The following TCF7L1 variants were observed in gnomAD, a reference collection of about 807,000 sequenced individuals.
The protein encoded by TCF7L1 is transcription factor 7-like 1.
TCF7L1 carries 18 observed loss-of-function variants against 63.7 expected under a neutral mutation model. That is an observed-to-expected ratio of 0.28 (90% CI 0.20 to 0.42). The LOEUF (loss-of-function observed/expected upper bound fraction) is 0.42, where lower values mean the gene tolerates loss of function less well. TCF7L1 is among the 10% of genes least tolerant of loss of function. TCF7L1 has a pLI of 1.00. For synonymous variants in TCF7L1, 355 were observed against 340.9 expected, an observed-to-expected ratio of 1.04 and a Z score of -0.46; for missense variants, 654 against 779.3, an observed-to-expected ratio of 0.84 and a Z score of 1.91.
At chr2:85,268,471 C>CCT (rs1681062954) in intron 3 of TCF7L1, among the ~76,000 whole-genome samples, 1 of 134,812 alleles carries the variant, frequency 7.4e-6, no homozygotes, top group African/African-American at 2.7e-5. Flanking sequence ...GATTGGATGC[C>CCT]TTTTTTTTTT....
intron 3 of TCF7L1, among the ~76,000 whole-genome samples, chr2:85,193,494 AGGCAAC>A (rs1280675270): frequency 1.3e-5 from 2 of 152,160 alleles, no homozygotes; most frequent in African/African-American, 4.8e-5. Flanking sequence ...AGACCAGCCT[AGGCAAC>A]AAAGCGAGAC....
chr2:85,273,683 A>T (rs1681206839), intron 3 of TCF7L1, among the ~76,000 whole-genome samples: 1 of 152,176 alleles, frequency 6.6e-6, no homozygotes, highest in African/African-American at 2.4e-5. Context: ...TACATGGGCG[A>T]CACGGTGAGT....
At chr2:85,154,286 A>G (rs1174353086) in intron 3 of TCF7L1, among the ~76,000 whole-genome samples, 1 of 152,216 alleles carries the variant, frequency 6.6e-6, no homozygotes, top group Non-Finnish European at 1.5e-5. Flanking sequence ...ATAGTTTTCC[A>G]GTTATATGAA....
At chr2:85,269,714 A>G (rs1268849724) in intron 3 of TCF7L1, among the ~76,000 whole-genome samples, 1 of 152,228 alleles carries the variant, frequency 6.6e-6, no homozygotes, top group Non-Finnish European at 1.5e-5. Flanking sequence ...GTTTAATAGT[A>G]TTGAGATGGG....
Position 85,133,723 on chromosome 2 carries a change from C to T in TCF7L1, c.39C>T (p.Gly13=). ...QLGGGGGGGG[G]GSGGGGGSSA... ...GCGGCGGGGGCGGCGGCGGCGGCGG[C>T]GGCAGCGGGGGAGGCGGCGGCTCCA... Residue 13 remains glycine (G), a synonymous_variant, in exon 1 of 12, where the codon GGC becomes GGT. Coordinates refer to ENST00000282111, the MANE Select transcript of TCF7L1 (RefSeq NM_031283.3). The surrounding 1 kb of genome is among the most constrained non-coding windows in gnomAD (Gnocchi z 4.4). The T allele has an allele frequency of 2.6e-6, 3 of 1,175,386 alleles. No homozygotes were observed. The highest frequency in any genetic ancestry group is 2.1e-6 in the Non-Finnish European group (2 of 952,472). 72.8% of individuals were successfully genotyped at this position (1,175,386 alleles called of 1,614,324 possible).
At chr2:85,251,866 G>A (rs913804313) in intron 3 of TCF7L1, among the ~76,000 whole-genome samples, 1 of 152,134 alleles carries the variant, frequency 6.6e-6, no homozygotes, top group Non-Finnish European at 1.5e-5. Context: ...TGAGTCTCAG[G>A]AGTCTGAGAC....
rs572827111 is a variant in TCF7L1, at chr2:85,155,497, G to A, written c.441+21047G>A. ...AGTCAGCGAGACCATGAACCCACTG[G>A]AAGGAACCAATTCTGGACACAGTGG... On this transcript the variant is annotated intron_variant, in intron 3 of 11. Transcript: ENST00000282111. 3.9e-5 allele frequency among the ~76,000 whole-genome samples: 6 copies of A among 152,286 alleles called. No individual in the cohort carries two copies. In the South Asian group the frequency reaches 1.2e-3, roughly 32 times the overall value.
chr2:85,190,708 A>C (rs1044576908), intron 3 of TCF7L1, among the ~76,000 whole-genome samples: 2 of 152,204 alleles, frequency 1.3e-5, no homozygotes, highest in Admixed American at 6.5e-5. Context: ...AGCCAAAGAG[A>C]TAGTAGAATC....
At chr2:85,272,211 C>G (rs1207780566) in intron 3 of TCF7L1, among the ~76,000 whole-genome samples, 1 of 152,126 alleles carries the variant, frequency 6.6e-6, no homozygotes, top group Non-Finnish European at 1.5e-5. Context: ...AGGGAGGTAA[C>G]TAAAGTCATT....
At position 85,134,617 on chromosome 2, in the gene TCF7L1, G is replaced by T. The variant is rs1178598505; in HGVS notation, c.441+167G>T. 6.6e-6 allele frequency among the ~76,000 whole-genome samples: 1 copy of T among 152,238 alleles called. No homozygotes were observed. The highest frequency in any genetic ancestry group is 1.5e-5 in the Non-Finnish European group (1 of 68,046). On this transcript the variant is annotated intron_variant, in intron 3 of 11. Transcript: ENST00000282111. This position sits in a 1 kb window ranked among gnomAD's most constrained non-coding sequence, Gnocchi z 5.0. Reference sequence around the variant, plus strand: ...GGCGGCCGAGCGCGAGGCTGCGCTGGCCAGTGCCTGGATGAAAGTAAAGTT... The same window carrying T: ...GGCGGCCGAGCGCGAGGCTGCGCTGTCCAGTGCCTGGATGAAAGTAAAGTT...
intron 3 of TCF7L1, among the ~76,000 whole-genome samples, chr2:85,231,576 T>A (rs1367398572): frequency 6.6e-6 from 1 of 152,136 alleles, no homozygotes; most frequent in East Asian, 1.9e-4. Flanking sequence ...AACTCCACTC[T>A]GGGCCACCGC....
chr2:85,283,271 C>CG (rs1553406733), intron 3 of TCF7L1, among the ~76,000 whole-genome samples: 16,462 of 150,086 alleles, frequency 0.11, 1,262 homozygotes, highest in Non-Finnish European at 0.16. Context: ...CGTGTCCCCC[C>CG]CCCCAAAATG....
intron 3 of TCF7L1, chr2:85,262,382 T>G: frequency 4.9e-6 from 2 of 407,038 alleles, no homozygotes; most frequent in Non-Finnish European, 9.9e-6. Context: ...CAAGACACCG[T>G]CTCTTAAAAG....
chr2:85,172,838 A>G (rs983609534), intron 3 of TCF7L1, among the ~76,000 whole-genome samples: 1 of 151,756 alleles, frequency 6.6e-6, no homozygotes, highest in African/African-American at 2.4e-5. Context: ...CCTATTTACA[A>G]TTGCAGCGTC....
At chr2:85,212,502 C>G (rs142876731) in intron 3 of TCF7L1, among the ~76,000 whole-genome samples, 3 of 152,098 alleles carry the variant, frequency 2.0e-5, no homozygotes, top group Non-Finnish European at 4.4e-5. Flanking sequence ...CTCTGTGGGT[C>G]GGAAGAAGGA....
chr2:85,269,280 A>G (rs1681088621), intron 3 of TCF7L1, among the ~76,000 whole-genome samples: 1 of 152,170 alleles, frequency 6.6e-6, no homozygotes, highest in African/African-American at 2.4e-5. Flanking sequence ...TACTATTTAC[A>G]TAATTATTTT....
intron 3 of TCF7L1, among the ~76,000 whole-genome samples, chr2:85,203,503 G>T (rs1436005729): frequency 2.0e-5 from 3 of 152,130 alleles, no homozygotes; most frequent in Non-Finnish European, 4.4e-5. Context: ...AAGATGGAAG[G>T]ATCACTTAAG....
rs368681918 is a variant in TCF7L1, at chr2:85,224,254, T to C, written c.442-59241T>C. Among the ~76,000 whole-genome samples, 3 of 152,368 alleles carry C rather than the reference T, an allele frequency of 2.0e-5. No individual in the cohort carries two copies. In the East Asian group the frequency reaches 5.8e-4, roughly 29 times the overall value. Reference sequence around the variant, plus strand: ...AATAGTGCCACAGTAAACATACATGTGCATATGTCTTTATAGTAGCATGAT... The same window carrying C: ...AATAGTGCCACAGTAAACATACATGCGCATATGTCTTTATAGTAGCATGAT... On this transcript the variant is annotated intron_variant, in intron 3 of 11. Transcript: ENST00000282111.
intron 3 of TCF7L1, among the ~76,000 whole-genome samples, chr2:85,155,815 A>T (rs998710669): frequency 6.6e-6 from 1 of 151,376 alleles, no homozygotes; most frequent in East Asian, 1.9e-4. Flanking sequence ...TCTGCACCCC[A>T]CTCTAACATT....
Sources: allele counts gnomAD v4.1 joint callset (sites outside exome capture counted in the v4.1 genomes callset), GRCh38; gene constraint gnomAD v4.1.1; non-coding constraint Gnocchi (gnomAD v3.1); transcripts MANE v1.5; gene names NCBI Gene and HGNC (gene_info 2026-07-23, HGNC 2026-07-21).